NADSYN1: variants seen among roughly 807,000 people sequenced by gnomAD.
The protein encoded by NADSYN1 is glutamine-dependent NAD(+) synthetase.
Under a neutral mutation model 99.3 loss-of-function variants are expected in NADSYN1, and 80 were observed. That is an observed-to-expected ratio of 0.81 (90% CI 0.67 to 0.97). The LOEUF is 0.97. Ranked by LOEUF, NADSYN1 falls within the 50% of genes least tolerant of loss-of-function variation. The pLI, the probability that NADSYN1 is intolerant of heterozygous loss-of-function variation, is 0.00. For missense variants in NADSYN1, 859 were observed against 948.5 expected (o/e 0.91, Z 1.24); for synonymous variants, 385 against 372.1 (o/e 1.03, Z -0.40).
chr11:71,487,688 G>A lies in NADSYN1; in HGVS notation c.1562+2040G>A, dbSNP rs896372186. ...CTACTAAAAATACAAAAAATTAGCC[G>A]GGCGTGGTGGCAGGTGCCTGTAGTC... On this transcript the variant is annotated intron_variant, in intron 16 of 20. Transcript: ENST00000319023. 3.3e-5 allele frequency among the ~76,000 whole-genome samples: 5 copies of A among 151,822 alleles called. 1 individual carries two copies. The highest frequency in any genetic ancestry group is 1.9e-4 in the East Asian group (1 of 5,180).
intron 20 of NADSYN1, 87 bp from the exon 21 acceptor site, chr11:71,501,215 G>A: frequency 3.1e-6 from 4 of 1,276,196 alleles, no homozygotes; most frequent in Non-Finnish European, 4.2e-6. Flanking sequence ...TCTGGGACTT[G>A]TGACCCGCTT....
intron 3 of NADSYN1, among the ~76,000 whole-genome samples, chr11:71,461,397 A>G (rs1949549326): frequency 6.6e-6 from 1 of 152,220 alleles, no homozygotes; most frequent in South Asian, 2.1e-4. Context: ...CAAGAGAGAG[A>G]GGGGCGAGGT....
intron 3 of NADSYN1, among the ~76,000 whole-genome samples, chr11:71,460,393 C>T (rs765886207): frequency 1.3e-5 from 2 of 152,162 alleles, no homozygotes; most frequent in Non-Finnish European, 2.9e-5. Flanking sequence ...CTCTGTTGTC[C>T]AGGCTGGAGT....
intron 5 of NADSYN1, among the ~76,000 whole-genome samples, chr11:71,464,929 G>C (rs1427622330): frequency 6.7e-6 from 1 of 149,434 alleles, no homozygotes; most frequent in East Asian, 2.0e-4. Context: ...GTTCTAGGAA[G>C]TGCTTAGGTT....
At chr11:71,465,099 C>T (rs1949579060) in intron 5 of NADSYN1, among the ~76,000 whole-genome samples, 1 of 152,010 alleles carries the variant, frequency 6.6e-6, no homozygotes, top group East Asian at 1.9e-4. Flanking sequence ...TCGCAACAGG[C>T]AGCACAGCAG....
chr11:71,481,648 CG>C (rs1949708627), intron 12 of NADSYN1: 12 of 604,646 alleles, frequency 2.0e-5, no homozygotes, highest in Non-Finnish European at 5.8e-6. Flanking sequence ...TTCAGGGTCA[CG>C]CTCACCATCT....
At chr11:71,483,088 G>C in intron 14 of NADSYN1, 71 bp downstream of exon 14, 1 of 1,571,776 alleles carries the variant, frequency 6.4e-7, no homozygotes, top group East Asian at 2.2e-5. Flanking sequence ...AGCTCCGCCT[G>C]TGAGTGCATT....
At chr11:71,458,664 G>A in intron 3 of NADSYN1, 120 bp downstream of exon 3, 1 of 724,132 alleles carries the variant, frequency 1.4e-6, no homozygotes. Context: ...GGATACGAAA[G>A]GCCTTATGCT....
At chr11:71,478,503 T>C (rs1949684618) in intron 10 of NADSYN1, 34 bp downstream of exon 10, 2 of 1,564,752 alleles carry the variant, frequency 1.3e-6, no homozygotes, top group Admixed American at 1.8e-5. Flanking sequence ...TGTGGGATGC[T>C]CATCAAAGAC....
intron 18 of NADSYN1, 48 bp from the exon 19 acceptor site, chr11:71,497,435 C>A (rs750340035): frequency 3.7e-6 from 6 of 1,612,290 alleles, no homozygotes; most frequent in Non-Finnish European, 5.1e-6. Flanking sequence ...AGGCTCTCCC[C>A]CCGCTGTGAC....
intron 7 of NADSYN1, 34 bp downstream of exon 7, chr11:71,473,400 C>T: frequency 1.2e-6 from 2 of 1,605,630 alleles, no homozygotes; most frequent in Middle Eastern, 1.7e-4. Flanking sequence ...TCTGATCGCC[C>T]ACCTCATATG....
chr11:71,495,262 G>C (rs1486808056), intron 18 of NADSYN1, among the ~76,000 whole-genome samples: 2 of 152,146 alleles, frequency 1.3e-5, no homozygotes, highest in East Asian at 3.8e-4. Context: ...GATTCCCTTG[G>C]TGACTTCCTC....
chr11:71,469,604 G>A (rs926749044), intron 5 of NADSYN1, among the ~76,000 whole-genome samples: 9 of 152,204 alleles, frequency 5.9e-5, no homozygotes, highest in Admixed American at 3.9e-4. Flanking sequence ...TCTGCAGCAG[G>A]AACATGTCCT....
chr11:71,465,269 G>T (rs1164476163), intron 5 of NADSYN1, among the ~76,000 whole-genome samples: 1 of 152,092 alleles, frequency 6.6e-6, no homozygotes, highest in African/African-American at 2.4e-5. Flanking sequence ...ACTGTTCATT[G>T]TTCTCCACAT....
chr11:71,459,490 G>A (rs1949536211), intron 3 of NADSYN1, among the ~76,000 whole-genome samples: 1 of 152,146 alleles, frequency 6.6e-6, no homozygotes, highest in Non-Finnish European at 1.5e-5. Flanking sequence ...TGCTGTGCTG[G>A]TATCTGAGCC....
intron 12 of NADSYN1, 58 bp from the exon 13 acceptor site, chr11:71,481,865 C>A (rs1949710148): frequency 5.3e-6 from 8 of 1,497,812 alleles, no homozygotes; most frequent in Non-Finnish European, 7.3e-6. Flanking sequence ...CTTGGCTGAT[C>A]CATGGGCATG....
chr11:71,492,570 T>G (rs764781438), intron 18 of NADSYN1, among the ~76,000 whole-genome samples: 1 of 152,168 alleles, frequency 6.6e-6, no homozygotes, highest in South Asian at 2.1e-4. Flanking sequence ...TTGTTGTAAA[T>G]GTAGGATTTA....
chr11:71,487,097 C>A (rs1203978161), intron 16 of NADSYN1, among the ~76,000 whole-genome samples: 2 of 152,148 alleles, frequency 1.3e-5, no homozygotes, highest in African/African-American at 4.8e-5. Flanking sequence ...CACTCTGCAT[C>A]CTTGCCTGTC....
intron 5 of NADSYN1, chr11:71,466,752 T>C (rs1949593907): frequency 6.6e-6 from 1 of 152,282 alleles, no homozygotes; most frequent in African/African-American, 2.4e-5. Context: ...ATGACCCTCA[T>C]AACTGAAGCC....
Sources: gnomAD v4.1 joint callset for allele counts (sites outside exome capture counted in the v4.1 genomes callset) on GRCh38, gnomAD v4.1.1 for gene constraint, MANE v1.5 for transcripts, NCBI Gene and HGNC (gene_info 2026-07-23, HGNC 2026-07-21) for gene names.